Variants in DCAF5 observed in about 807,000 individuals in gnomAD.
The protein encoded by DCAF5 is DDB1- and CUL4-associated factor 5.
In DCAF5, 9 loss-of-function variants were observed where a neutral mutation model predicts 80.7. That is an observed-to-expected ratio of 0.11 (90% confidence interval 0.07 to 0.19). The LOEUF is 0.19. DCAF5 is among the 10% of genes least tolerant of loss of function. The probability of loss-of-function intolerance (pLI) is 1.00; values close to 1 mark genes in which losing one functional copy is unlikely to be tolerated. For synonymous variants in DCAF5, 433 were observed against 461.9 expected (o/e 0.94, Z 0.80); for missense variants, 842 against 1,205.7 (o/e 0.70, Z 4.47).
Position 69,078,698 on chromosome 14 carries a change from C to G in DCAF5, c.880-3287G>C, listed in dbSNP as rs796344071. ...TACTATATGATCCTACTAGAGTAGT[C>G]ATGAAAATTCAGACACGAAGTAGAA... On this transcript the variant is annotated intron_variant, in intron 6 of 8. Transcript: ENST00000341516. Among the ~76,000 whole-genome samples, 19 of 152,278 alleles carry G rather than the reference C, an allele frequency of 1.2e-4. 1 individual carries two copies. Among genetic ancestry groups the G allele is most frequent in the African/African-American group, 4.3e-4 (18 of 41,554 alleles).
intron 5 of DCAF5, among the ~76,000 whole-genome samples, chr14:69,102,713 C>T (rs2040006443): frequency 6.6e-6 from 1 of 151,892 alleles, no homozygotes; most frequent in African/African-American, 2.4e-5. Flanking sequence ...GTCGATAATA[C>T]ACGTGGAACT....
At chr14:69,108,637 AAAG>A (rs2040247216) in intron 5 of DCAF5, among the ~76,000 whole-genome samples, 1 of 152,206 alleles carries the variant, frequency 6.6e-6, no homozygotes, top group Non-Finnish European at 1.5e-5. Context: ...ATAAAAAAAC[AAAG>A]AAGTTTAAGA....
At chr14:69,112,119 A>C (rs559481632) in intron 5 of DCAF5, among the ~76,000 whole-genome samples, 1 of 152,226 alleles carries the variant, frequency 6.6e-6, no homozygotes, top group African/African-American at 2.4e-5. Flanking sequence ...AAACTCTAGT[A>C]TATCAGGTAG....
In DCAF5 at chr14:69,054,858, T is replaced by A. The variant is rs759017150; in HGVS notation, c.1828A>T (p.Ile610Phe). The part of the protein sequence containing the change: ...SAPIKPTNTY[I>F]GEDNYDYPQI... ...GGGTAATCATAGTTGTCTTCTCCAA[T>A]GTAAGTGTTGGTGGGCTTGATTGGG... is the stretch of plus-strand genomic sequence containing the variant. Residue 610 changes from isoleucine to phenylalanine, a missense_variant, in exon 9 of 9, where the codon ATT (isoleucine) becomes TTT (phenylalanine). Transcript: ENST00000341516. 5 of 1,614,008 alleles carry A rather than the reference T, an allele frequency of 3.1e-6. No individual in the cohort carries two copies. In the African/African-American group the frequency reaches 6.7e-5, roughly 22 times the overall value.
At chr14:69,148,259 A>G (rs1020153849) in intron 1 of DCAF5, among the ~76,000 whole-genome samples, 5 of 152,214 alleles carry the variant, frequency 3.3e-5, no homozygotes, top group African/African-American at 1.2e-4. Context: ...TATGCGTACT[A>G]CTGTAACCTC....
At chr14:69,084,066 A>C in intron 6 of DCAF5, 1 of 784,648 alleles carries the variant, frequency 1.3e-6, no homozygotes, top group Non-Finnish European at 2.4e-6. Context: ...CAGTGGTAAA[A>C]CCCCAGCTTT....
chr14:69,088,674 C>T (rs2039428157), intron 6 of DCAF5, among the ~76,000 whole-genome samples: 1 of 152,158 alleles, frequency 6.6e-6, no homozygotes, highest in African/African-American at 2.4e-5. Context: ...CGGAAATTCT[C>T]AGATTCCTGT....
intron 1 of DCAF5, among the ~76,000 whole-genome samples, chr14:69,138,056 G>C (rs1200989834): frequency 6.6e-6 from 1 of 151,906 alleles, no homozygotes; most frequent in African/African-American, 2.4e-5. Flanking sequence ...GCACACACTT[G>C]AGTCATCTGT....
intron 8 of DCAF5, among the ~76,000 whole-genome samples, chr14:69,061,401 A>T (rs368926057): frequency 6.6e-6 from 1 of 152,192 alleles, no homozygotes; most frequent in East Asian, 1.9e-4. Flanking sequence ...TCATTTTCTC[A>T]GATGTGGAAA....
chr14:69,128,557 G>A (rs1595046890), intron 1 of DCAF5, among the ~76,000 whole-genome samples: 1 of 152,288 alleles, frequency 6.6e-6, no homozygotes, highest in Admixed American at 6.5e-5. Context: ...CTGCAGGATG[G>A]GCTGGGATAC....
intron 6 of DCAF5, among the ~76,000 whole-genome samples, chr14:69,082,465 T>TTA (rs1555370880): frequency 4.0e-5 from 6 of 151,846 alleles, no homozygotes; most frequent in Non-Finnish European, 8.8e-5. Flanking sequence ...GAAAAAATTC[T>TTA]ATTAAGGAAT....
At chr14:69,064,175 T>C (rs2038342266) in intron 7 of DCAF5, among the ~76,000 whole-genome samples, 1 of 152,102 alleles carries the variant, frequency 6.6e-6, no homozygotes, top group East Asian at 1.9e-4. Context: ...GAGGGATAAA[T>C]AGGAATCTAA....
chr14:69,069,636 CTTTCTT>C (rs1009128774), intron 7 of DCAF5, among the ~76,000 whole-genome samples: 1 of 152,036 alleles, frequency 6.6e-6, no homozygotes, highest in Non-Finnish European at 1.5e-5. Context: ...TTCTTTTCTT[CTTTCTT>C]TTTATTATTA....
At chr14:69,115,990 T>C (rs1028642474) in intron 5 of DCAF5, among the ~76,000 whole-genome samples, 8 of 152,108 alleles carry the variant, frequency 5.3e-5, no homozygotes, top group African/African-American at 1.9e-4. Context: ...AGCAACAAGT[T>C]TGGCAAATCT....
Position 69,118,302 on chromosome 14 carries a change from G to A in DCAF5, c.396-24C>T, listed in dbSNP as rs747664048. 4.3e-6 allele frequency: 7 copies of A among 1,612,594 alleles called. No homozygotes were observed. The highest frequency in any genetic ancestry group is 1.7e-5 in the Admixed American group (1 of 59,958). ...TGCTGGGAGATAAGAGAGCAAGACAGAGGCACACACATACACACAAGCATA... is the reference window on the plus strand; with the variant it reads ...TGCTGGGAGATAAGAGAGCAAGACAAAGGCACACACATACACACAAGCATA... On this transcript the variant is annotated intron_variant, in intron 3 of 8. Coordinates refer to ENST00000341516, the MANE Select transcript of DCAF5 (RefSeq NM_003861.3). This position sits in a 1 kb window ranked among gnomAD's most constrained non-coding sequence, Gnocchi z 4.0.
In DCAF5 at chr14:69,055,711, T is replaced by C; in HGVS notation, c.1075-100A>G. 8.2e-6 allele frequency: 10 copies of C among 1,224,314 alleles called. No individual in the cohort carries two copies. Among genetic ancestry groups the C allele is most frequent in the Non-Finnish European group, 1.1e-5 (10 of 873,348 alleles). The allele number at this position is 1,224,314 out of a possible 1,614,324, so 75.8% of individuals were successfully genotyped here. On this transcript the variant is annotated intron_variant, in intron 8 of 8. Coordinates refer to ENST00000341516, the MANE Select transcript of DCAF5 (RefSeq NM_003861.3). This position sits in a 1 kb window ranked among gnomAD's most constrained non-coding sequence, Gnocchi z 5.6. Reference sequence around the variant, plus strand: ...ACCAAGGCAGAACTTCCCCAGACTCTCCCTGTAATTTAACTAGGACTTGCT... The same window carrying C: ...ACCAAGGCAGAACTTCCCCAGACTCCCCCTGTAATTTAACTAGGACTTGCT...
chr14:69,102,965 G>A (rs1315449950), intron 5 of DCAF5, among the ~76,000 whole-genome samples: 1 of 152,102 alleles, frequency 6.6e-6, no homozygotes, highest in Non-Finnish European at 1.5e-5. Context: ...TTACACCAAC[G>A]TCACCACAAA....
intron 3 of DCAF5, 120 bp downstream of exon 3, chr14:69,119,074 A>C: frequency 3.4e-6 from 3 of 888,752 alleles, no homozygotes; most frequent in Non-Finnish European, 3.3e-6. Flanking sequence ...TTAGAAAAGA[A>C]CAGCTGGTTT....
chr14:69,145,277 C>A (rs2041504085), intron 1 of DCAF5, among the ~76,000 whole-genome samples: 1 of 152,096 alleles, frequency 6.6e-6, no homozygotes. Flanking sequence ...CTCTGCCTCC[C>A]AAAGTGCTGG....
Sources: gnomAD v4.1 joint callset for allele counts (sites outside exome capture counted in the v4.1 genomes callset) on GRCh38, gnomAD v4.1.1 for gene constraint, Gnocchi (gnomAD v3.1) non-coding constraint, MANE v1.5 for transcripts, NCBI Gene and HGNC (gene_info 2026-07-23, HGNC 2026-07-21) for gene names.